The following PM20D1 variants were observed in gnomAD, a reference collection of about 807,000 sequenced individuals.
PM20D1 encodes peptidase M20 domain containing 1, also known as N-fatty-acyl-amino acid synthase/hydrolase PM20D1.
Under a neutral mutation model 53.8 loss-of-function variants are expected in PM20D1, and 53 were observed. That is an observed-to-expected ratio of 0.98 (90% CI 0.79 to 1.24). The LOEUF (loss-of-function observed/expected upper bound fraction) is 1.24, where lower values mean the gene tolerates loss of function less well. Ranked by LOEUF, PM20D1 falls within the 50% of genes most tolerant of loss-of-function variation. The probability of loss-of-function intolerance (pLI) is 0.00; values close to 1 mark genes in which losing one functional copy is unlikely to be tolerated. For synonymous variants in PM20D1, 239 were observed against 241.3 expected, an observed-to-expected ratio of 0.99 and a Z score of 0.09; for missense variants, 564 against 616.8, an observed-to-expected ratio of 0.91 and a Z score of 0.91.
rs71633564 is a variant in PM20D1 at position 205,845,567 on chromosome 1, A to G, written c.257-10T>C. Reference sequence around the variant, plus strand: ...ACCACTGTAGGAAAGACTAGAAGCAAAAAGGGCAGGAAGAGAGAACCAGGG... The same window carrying G: ...ACCACTGTAGGAAAGACTAGAAGCAGAAAGGGCAGGAAGAGAGAACCAGGG... On this transcript the variant is annotated splice_polypyrimidine_tract_variant and intron_variant, in intron 2 of 12. Transcript: ENST00000367136. 144,815 of 1,606,622 alleles carry G rather than the reference A, an allele frequency of 0.09. 9,586 individuals are homozygous for G. The highest frequency in any genetic ancestry group is 0.41 in the East Asian group (18,425 of 44,812).
chr1:205,848,182 C>CTA (rs1295132410), intron 1 of PM20D1, among the ~76,000 whole-genome samples: 2 of 152,242 alleles, frequency 1.3e-5, no homozygotes, highest in East Asian at 3.9e-4. Context: ...AACAGGCAGA[C>CTA]TATAGATTTA....
chr1:205,837,051 C>T (rs6694490), intron 10 of PM20D1, among the ~76,000 whole-genome samples: 25,167 of 152,126 alleles, frequency 0.17, 2,846 homozygotes, highest in African/African-American at 0.33. Flanking sequence ...TGTGACACAG[C>T]ATCCTATTAC....
chr1:205,830,282 T>C lies in PM20D1; in HGVS notation c.1383A>G (p.Lys461=), dbSNP rs755640572. The C allele has an allele frequency of 1.3e-6, 2 of 1,590,800 alleles. No homozygotes were observed. The highest frequency in any genetic ancestry group is 4.5e-5 in the East Asian group (2 of 44,774). Residue 461 remains lysine, a splice_region_variant and synonymous_variant, in exon 12 of 13, where the codon AAA becomes AAG. Coordinates refer to ENST00000367136, the MANE Select transcript of PM20D1 (RefSeq NM_152491.5). ...YPIYIQPEDF[K]RIHGVNEKIS... is the part of the protein sequence containing the mutation. ...CTGCTCAAACCTGTTCCACTCACCG[T>C]TTGAAGTCTTCAGGCTGTATGTAGA...
chr1:205,843,575 G>A lies in PM20D1; in HGVS notation c.827+92C>T, dbSNP rs142795394. 2,370 of 1,502,786 alleles carry A rather than the reference G, an allele frequency of 1.6e-3. 5 individuals are homozygous for A. Among genetic ancestry groups the A allele is most frequent in the Middle Eastern group, 6.2e-3 (25 of 4,038 alleles). The allele number at this position is 1,502,786 out of a possible 1,614,324, so 93.1% of individuals were successfully genotyped here. ...CATAGTTTCCCAGCCCAACTTTAGG[G>A]CAGGAAGCTTAGCCTCCTCAAATTT... is the stretch of plus-strand genomic sequence containing the variant. On this transcript the variant is annotated intron_variant, in intron 6 of 12. Coordinates refer to ENST00000367136, the MANE Select transcript of PM20D1 (RefSeq NM_152491.5).
Position 205,846,083 on chromosome 1 carries a change from CAA to C in PM20D1, c.257-528_257-527del, listed in dbSNP as rs55675463. On this transcript the variant is annotated intron_variant, in intron 2 of 12. Coordinates refer to ENST00000367136, the MANE Select transcript of PM20D1 (RefSeq NM_152491.5). ...GGGTGACAAGAGCAAAACTCCATCT[CAA>C]AAAAAAAAAAAAAAGACTCGGCCAG... Among the ~76,000 whole-genome samples the C allele has an allele frequency of 6.4e-3, 763 of 119,574 alleles. 7 individuals carry two copies. The highest frequency in any genetic ancestry group is 0.021 in the African/African-American group (655 of 31,940). 78.4% of individuals were successfully genotyped at this position (119,574 alleles called of 152,430 possible).
At chr1:205,829,724 G>T in intron 12 of PM20D1, 1 of 153,194 alleles carries the variant, frequency 6.5e-6, no homozygotes, top group Non-Finnish European at 1.5e-5. Context: ...GACGTGATAA[G>T]TAGCAGAGAG....
In PM20D1 at chr1:205,828,070, G is replaced by A. The variant is rs1361505191; in HGVS notation, c.*550C>T. On this transcript the variant is annotated 3_prime_UTR_variant, in exon 13 of 13. Transcript: ENST00000367136. ...TTGACTGATTATGGTGACAATTATG[G>A]TAGTATCACAGTTTGGGTAAGTCCA... The A allele has an allele frequency of 6.5e-6, 1 of 152,826 alleles. No homozygotes were observed. Among genetic ancestry groups the A allele is most frequent in the African/African-American group, 2.4e-5 (1 of 41,438 alleles). 9.5% of individuals were successfully genotyped at this position (152,826 alleles called of 1,614,324 possible).
At chr1:205,843,573 G>C (rs1656867176) in intron 6 of PM20D1, 94 bp downstream of exon 6, 2 of 1,501,260 alleles carry the variant, frequency 1.3e-6, no homozygotes, top group South Asian at 1.3e-5. Flanking sequence ...CCCAACTTTA[G>C]GGCAGGAAGC....
At chr1:205,840,417 A>T (rs1656780700) in intron 9 of PM20D1, 94 bp from the exon 10 acceptor site, 1 of 1,190,708 alleles carries the variant, frequency 8.4e-7, no homozygotes, top group East Asian at 2.5e-5. Flanking sequence ...GCTCAGGCAG[A>T]GTTGGCTGAT....
intron 2 of PM20D1, among the ~76,000 whole-genome samples, chr1:205,846,143 T>C (rs1656952715): frequency 6.6e-6 from 1 of 151,460 alleles, no homozygotes; most frequent in East Asian, 1.9e-4. Flanking sequence ...CCCAGCACTT[T>C]GGGAGGCTGA....
At position 205,844,821 on chromosome 1, in the gene PM20D1, T is replaced by C. The variant is rs1451846352; in HGVS notation, c.566A>G (p.His189Arg). ...GTGAGGAGGCTCTACCTCCTCATCA[T>C]GGCCCAGAGAAATGAAGAAAGATCT... ...PRRSFFISLG[H>R]DEESSGTGAQ... The change falls in exon 4 of 13, where the codon CAT (histidine) becomes CGT (arginine). Residue 189 changes from histidine (H) to arginine (R), a missense_variant. Physicochemically the swap from His to Arg is conservative, Grantham distance 29. Coordinates refer to ENST00000367136, the MANE Select transcript of PM20D1 (RefSeq NM_152491.5). The C allele has an allele frequency of 4.3e-6, 7 of 1,613,792 alleles. No individual in the cohort carries two copies. Among genetic ancestry groups the C allele is most frequent in the Non-Finnish European group, 5.9e-6 (7 of 1,179,866 alleles).
rs370736984 is a variant in PM20D1, at chr1:205,844,154, A to G, written c.640T>C (p.Phe214Leu). The G allele has an allele frequency of 1.3e-5, 21 of 1,614,022 alleles. No homozygotes were observed. The African/African-American group carries it at 2.5e-4, about 19-fold the overall frequency. ...ATGAAGCCCCCCTCGTCCACAATGA[A>G]GGCTAGCTGGACGCCCCTTGACTGT... ...LLQSRGVQLA[F>L]IVDEGGFILD... is the part of the protein sequence containing the mutation. The change falls in exon 5 of 13, where the codon TTC (phenylalanine) becomes CTC (leucine). Residue 214 changes from phenylalanine (F) to leucine (L), a missense_variant. Coordinates refer to ENST00000367136, the MANE Select transcript of PM20D1 (RefSeq NM_152491.5).
At chr1:205,845,228 T>C in intron 3 of PM20D1, 97 bp downstream of exon 3, 1 of 1,261,952 alleles carries the variant, frequency 7.9e-7, no homozygotes, top group Non-Finnish European at 1.1e-6. Context: ...GCCAAGATTC[T>C]TTTTACCATT....
chr1:205,829,016 A>G (rs549702502), intron 12 of PM20D1, among the ~76,000 whole-genome samples: 1 of 152,160 alleles, frequency 6.6e-6, no homozygotes, highest in Admixed American at 6.5e-5. Flanking sequence ...TCCATTCAAT[A>G]ATTTGTCCTC....
chr1:205,844,777 G>A, intron 4 of PM20D1, 34 bp downstream of exon 4: 2 of 1,592,258 alleles, frequency 1.3e-6, no homozygotes, highest in Non-Finnish European at 1.7e-6. Flanking sequence ...CCTCAACAGA[G>A]GACAGAGATA....
intron 1 of PM20D1, 54 bp downstream of exon 1, chr1:205,849,850 G>T: frequency 2.6e-6 from 4 of 1,546,746 alleles, no homozygotes; most frequent in Non-Finnish European, 3.5e-6. Context: ...GGTTGACCTG[G>T]GGAGGGAGGG....
chr1:205,828,549 A>G lies in PM20D1; in HGVS notation c.*71T>C. ...GTGGTTTTGATCAAAAGTTTCATCA[A>G]CACTAGCTTTCCCCCTTGGGTTAGT... On this transcript the variant is annotated 3_prime_UTR_variant, in exon 13 of 13. Coordinates refer to ENST00000367136, the MANE Select transcript of PM20D1 (RefSeq NM_152491.5). 1 of 1,586,828 alleles carries G rather than the reference A, an allele frequency of 6.3e-7. No individual in the cohort carries two copies. Among genetic ancestry groups the G allele is most frequent in the Non-Finnish European group, 8.6e-7 (1 of 1,166,282 alleles).
chr1:205,848,046 A>G, intron 1 of PM20D1, 75 bp from the exon 2 acceptor site: 1 of 1,441,388 alleles, frequency 6.9e-7, no homozygotes, highest in South Asian at 1.2e-5. Flanking sequence ...TCTGTGCACA[A>G]AAAGTTCTTT....
intron 1 of PM20D1, among the ~76,000 whole-genome samples, chr1:205,849,350 A>G (rs939744189): frequency 6.6e-6 from 1 of 151,950 alleles, no homozygotes; most frequent in African/African-American, 2.4e-5. Flanking sequence ...GGAACATCCC[A>G]CACCCCGGGA....
Sources: allele counts gnomAD v4.1 joint callset (sites outside exome capture counted in the v4.1 genomes callset), GRCh38; gene constraint gnomAD v4.1.1; transcripts MANE v1.5; gene names NCBI Gene and HGNC (gene_info 2026-07-23, HGNC 2026-07-21).